The following NLRP3 variants were observed in gnomAD, a reference collection of about 807,000 sequenced individuals.
NLRP3 encodes NACHT, LRR and PYD domains-containing protein 3.
In NLRP3, 48 loss-of-function variants were observed where a neutral mutation model predicts 91.3. The ratio of observed to expected loss-of-function variants is 0.53; its 90% confidence interval spans 0.42 to 0.67. The LOEUF is 0.67. NLRP3 is among the 30% of genes least tolerant of loss of function. The pLI is 0.00. For synonymous variants in NLRP3, 561 were observed against 507.9 expected (o/e 1.10, Z -1.41); for missense variants, 982 against 1,276.9 (o/e 0.77, Z 3.52).
intron 5 of NLRP3, among the ~76,000 whole-genome samples, chr1:247,431,285 A>G (rs1227641858): frequency 6.6e-6 from 1 of 152,130 alleles, no homozygotes; most frequent in Non-Finnish European, 1.5e-5. Flanking sequence ...GGGCCGCCTC[A>G]CTAGCTCTGT....
chr1:247,441,993 T>C (rs1664271924), intron 7 of NLRP3, among the ~76,000 whole-genome samples: 1 of 152,264 alleles, frequency 6.6e-6, no homozygotes, highest in Non-Finnish European at 1.5e-5. Flanking sequence ...TCTACTAGAA[T>C]GTCCCTGGCC....
At position 247,436,054 on chromosome 1, in the gene NLRP3, T is replaced by C. The variant is rs549456920; in HGVS notation, c.2577T>C (p.Tyr859=). The C allele has an allele frequency of 3.7e-6, 6 of 1,614,200 alleles. No individual in the cohort carries two copies. The highest frequency in any genetic ancestry group is 2.2e-5 in the South Asian group (2 of 91,088). Reference sequence around the variant, plus strand: ...CCAGCCATTCCCTGACCAGACTCTATGTGGGGGAGAATGCCTTGGGAGACT... The same window carrying C: ...CCAGCCATTCCCTGACCAGACTCTACGTGGGGGAGAATGCCTTGGGAGACT... ...LSTSHSLTRL[Y]VGENALGDSG... Residue 859 remains tyrosine (Y), a synonymous_variant, in exon 7 of 10, where the codon TAT becomes TAC. Coordinates refer to ENST00000336119, the MANE Select transcript of NLRP3 (RefSeq NM_001243133.2).
In NLRP3 at chr1:247,425,845, A is replaced by T. The variant is rs532546151; in HGVS notation, c.2150+246A>T. 4 of 537,902 alleles carry T rather than the reference A, an allele frequency of 7.4e-6. No homozygotes were observed. In the Admixed American group the frequency reaches 9.4e-5, roughly 13 times the overall value. 33.3% of individuals were successfully genotyped at this position (537,902 alleles called of 1,614,324 possible). On this transcript the variant is annotated intron_variant, in intron 4 of 9. Coordinates refer to ENST00000336119, the MANE Select transcript of NLRP3 (RefSeq NM_001243133.2). This position sits in a 1 kb window ranked among gnomAD's most constrained non-coding sequence, Gnocchi z 4.1. ...TGTTTGGGGAATGCCAGTTTAGCACAAGGTATTAAGTAGGATGTAGGATTG... is the reference window on the plus strand; with the variant it reads ...TGTTTGGGGAATGCCAGTTTAGCACTAGGTATTAAGTAGGATGTAGGATTG...
chr1:247,418,907 G>A lies in NLRP3; in HGVS notation c.107G>A (p.Cys36Tyr). The change falls in exon 2 of 10, where the codon TGC becomes TAC. Residue 36 changes from cysteine to tyrosine, a missense_variant. By Grantham distance (194) the Cys-to-Tyr change is radical. This residue lies in a region of NLRP3 where 548 missense variants were observed against 713.7 expected (regional missense o/e 0.77). Transcript: ENST00000336119. ...HLEDYPPQKG[C>Y]IPLPRGQTEK... ...GAGGACTATCCTCCCCAGAAGGGCT[G>A]CATCCCCCTCCCGAGGGGTCAGACA... The A allele has an allele frequency of 6.2e-7, 1 of 1,614,140 alleles. No individual in the cohort carries two copies. Among genetic ancestry groups the A allele is most frequent in the South Asian group, 1.1e-5 (1 of 91,084 alleles).
chr1:247,433,120 T>G (rs769300672), intron 5 of NLRP3, among the ~76,000 whole-genome samples: 8 of 151,968 alleles, frequency 5.3e-5, no homozygotes, highest in Non-Finnish European at 1.2e-4. Context: ...GGCAGGTGGA[T>G]CCCTTGAGCC....
rs759389274 is a variant in NLRP3 at position 247,423,272 on chromosome 1, A to C, written c.320A>C (p.Gln107Pro). Residue 107 changes from glutamine (Q) to proline (P), a missense_variant, in exon 3 of 10, where the codon CAG becomes CCG. Gln to Pro is a moderately conservative substitution (Grantham distance 76, BLOSUM62 -1). Coordinates refer to ENST00000336119, the MANE Select transcript of NLRP3 (RefSeq NM_001243133.2). ...ARVSNPTVIC[Q>P]EDSIEEEWMG... The stretch of plus-strand genomic sequence containing the variant: ...GTTTCGAATCCCACTGTGATATGCC[A>C]GGAAGACAGCATTGAAGAGGAGTGG... 1 of 1,611,570 alleles carries C rather than the reference A, an allele frequency of 6.2e-7. No homozygotes were observed. Among genetic ancestry groups the C allele is most frequent in the Non-Finnish European group, 8.5e-7 (1 of 1,178,360 alleles).
chr1:247,422,262 C>T (rs1558188136), intron 2 of NLRP3, among the ~76,000 whole-genome samples: 1 of 151,840 alleles, frequency 6.6e-6, no homozygotes, highest in African/African-American at 2.4e-5. Context: ...GTCAATAGTC[C>T]CAGCTGTTCT....
chr1:247,448,687 G>A lies in NLRP3; in HGVS notation c.*183G>A, dbSNP rs1444571896. The A allele has an allele frequency of 9.2e-6, 6 of 653,086 alleles. No individual in the cohort carries two copies. Among genetic ancestry groups the A allele is most frequent in the African/African-American group, 7.2e-5 (4 of 55,504 alleles). 40.5% of individuals were successfully genotyped at this position (653,086 alleles called of 1,614,324 possible). A position where few individuals can be genotyped will look rare whatever the true frequency, so the allele number is the denominator to read the frequency against. ...TGCAGAGCTTGGGCATCTCCTTTAC[G>A]CCAGGGTGAGGAAGACACCAGGACA... On this transcript the variant is annotated 3_prime_UTR_variant, in exon 10 of 10. Transcript: ENST00000336119.
Position 247,444,647 on chromosome 1 carries a change from G to A in NLRP3, c.2835-4G>A, listed in dbSNP as rs1041248243. 1.2e-5 allele frequency: 19 copies of A among 1,613,324 alleles called. No homozygotes were observed. The highest frequency in any genetic ancestry group is 1.6e-5 in the Non-Finnish European group (19 of 1,179,884). ...ATTTTCTTTAAATCACCCCCTTTTTGCAGATTAGACAACTGCAACCTCACG... is the reference window on the plus strand; with the variant it reads ...ATTTTCTTTAAATCACCCCCTTTTTACAGATTAGACAACTGCAACCTCACG... On this transcript the variant is annotated splice_polypyrimidine_tract_variant and splice_region_variant and intron_variant, in intron 8 of 9. Transcript: ENST00000336119.
Position 247,444,123 on chromosome 1 carries a change from T to G in NLRP3, c.2815T>G (p.Cys939Gly). Residue 939 changes from cysteine (C) to glycine (G), a missense_variant, in exon 8 of 10, where the codon TGC (cysteine) becomes GGC (glycine). Physicochemically the swap from Cys to Gly is radical, Grantham distance 159 (BLOSUM62 -3). Transcript: ENST00000336119. ...CTGTGAGGGACTCTTGCACCCCGAC[T>G]GCAAGCTTCAGGTGTTGGAGTAAGT... is the stretch of plus-strand genomic sequence containing the variant. ...LLCEGLLHPD[C>G]KLQVLELDNC... is the part of the protein sequence containing the mutation. 1 of 1,614,220 alleles carries G rather than the reference T, an allele frequency of 6.2e-7. No homozygotes were observed. The highest frequency in any genetic ancestry group is 8.5e-7 in the Non-Finnish European group (1 of 1,180,040).
intron 5 of NLRP3, among the ~76,000 whole-genome samples, chr1:247,431,995 T>C (rs1245831742): frequency 1.3e-5 from 2 of 151,900 alleles, no homozygotes; most frequent in African/African-American, 2.4e-5. Flanking sequence ...ACCTCCTGGG[T>C]TCAAGCAATT....
chr1:247,420,796 G>A (rs1200640750), intron 2 of NLRP3, among the ~76,000 whole-genome samples: 1 of 152,152 alleles, frequency 6.6e-6, no homozygotes, highest in Admixed American at 6.5e-5. Flanking sequence ...GAAGGTGGAG[G>A]CAAACTGTTT....
chr1:247,446,952 G>C (rs781470101), intron 9 of NLRP3, among the ~76,000 whole-genome samples: 9 of 152,150 alleles, frequency 5.9e-5, no homozygotes, highest in Non-Finnish European at 8.8e-5. Context: ...AGAGAGATGG[G>C]GGAACAAACA....
At position 247,424,670 on chromosome 1, in the gene NLRP3, C is replaced by T. The variant is rs144577477; in HGVS notation, c.1221C>T (p.Cys407=). The T allele has an allele frequency of 6.2e-7, 1 of 1,614,264 alleles. No homozygotes were observed. Among genetic ancestry groups the T allele is most frequent in the African/African-American group, 1.3e-5 (1 of 75,080 alleles). The part of the protein sequence containing the change: ...IQENEVLFTM[C]FIPLVCWIVC... ...AGAACGAGGTCCTCTTCACCATGTGCTTCATCCCCCTGGTCTGCTGGATCG... is the reference window on the plus strand; with the variant it reads ...AGAACGAGGTCCTCTTCACCATGTGTTTCATCCCCCTGGTCTGCTGGATCG... The change falls in exon 4 of 10, where the codon TGC becomes TGT. Residue 407 remains cysteine, a synonymous_variant. Coordinates refer to ENST00000336119, the MANE Select transcript of NLRP3 (RefSeq NM_001243133.2). This position sits in a 1 kb window ranked among gnomAD's most constrained non-coding sequence, Gnocchi z 8.1.
chr1:247,423,544 C>T (rs1022114408), intron 3 of NLRP3, among the ~76,000 whole-genome samples, 195 bp downstream of exon 3: 2 of 152,036 alleles, frequency 1.3e-5, no homozygotes, highest in African/African-American at 2.4e-5. Context: ...CCAGAGCCAG[C>T]GGCGGTGATT....
intron 5 of NLRP3, among the ~76,000 whole-genome samples, chr1:247,432,198 C>T (rs1330774326): frequency 6.6e-6 from 1 of 152,164 alleles, no homozygotes; most frequent in Non-Finnish European, 1.5e-5. Context: ...GTAACTCTTA[C>T]CCAAATAGTG....
At chr1:247,434,507 G>T (rs1396212028) in intron 6 of NLRP3, among the ~76,000 whole-genome samples, 1 of 152,196 alleles carries the variant, frequency 6.6e-6, no homozygotes, top group Non-Finnish European at 1.5e-5. Context: ...GAAGATGTCT[G>T]CCTTTAGGGT....
intron 7 of NLRP3, among the ~76,000 whole-genome samples, chr1:247,437,318 G>C (rs542091970): frequency 1.3e-5 from 2 of 152,274 alleles, no homozygotes; most frequent in South Asian, 4.1e-4. Context: ...ATACCAGCCA[G>C]ATCAGCATTC....
chr1:247,428,779 C>A (rs967055862), intron 4 of NLRP3, among the ~76,000 whole-genome samples: 2 of 152,024 alleles, frequency 1.3e-5, no homozygotes. Context: ...ATGATCATGG[C>A]ACTGCATTCC....
Sources: gnomAD v4.1 joint callset for allele counts (sites outside exome capture counted in the v4.1 genomes callset) on GRCh38, gnomAD v4.1.1 for gene constraint, gnomAD v4.1.1 regional missense constraint, Gnocchi (gnomAD v3.1) non-coding constraint, MANE v1.5 for transcripts, NCBI Gene and HGNC (gene_info 2026-07-23, HGNC 2026-07-21) for gene names.